Variants in SP140 observed in about 807,000 individuals in gnomAD.
The protein encoded by SP140 is SP140 nuclear body protein, also known as nuclear body protein SP140.
SP140 carries 81 observed loss-of-function variants against 125.0 expected under a neutral mutation model. That is an observed-to-expected ratio of 0.65 (90% CI 0.54 to 0.78). The LOEUF (loss-of-function observed/expected upper bound fraction) is 0.78. Among genes scored for constraint, SP140 ranks in the 30% least tolerant of loss-of-function variants. The probability of loss-of-function intolerance (pLI) is 0.00; values close to 1 mark genes in which losing one functional copy is unlikely to be tolerated. For missense variants in SP140, 858 were observed against 1,037.0 expected, an observed-to-expected ratio of 0.83 and a Z score of 2.37; for synonymous variants, 312 against 354.0, an observed-to-expected ratio of 0.88 and a Z score of 1.33.
At chr2:230,267,156 A>T (rs1401716654) in intron 12 of SP140, among the ~76,000 whole-genome samples, 1 of 152,224 alleles carries the variant, frequency 6.6e-6, no homozygotes, top group Non-Finnish European at 1.5e-5. Context: ...ACATAAATAT[A>T]TTAAAAATTT....
chr2:230,217,119 G>A (rs1173176529), intron 3 of SP140, among the ~76,000 whole-genome samples: 6 of 151,926 alleles, frequency 3.9e-5, no homozygotes, highest in South Asian at 2.1e-4. Flanking sequence ...GGTGGCGCAC[G>A]CCTGTAGTCC....
intron 15 of SP140, among the ~76,000 whole-genome samples, chr2:230,272,736 A>G (rs1014346711): frequency 2.6e-5 from 4 of 152,308 alleles, no homozygotes; most frequent in African/African-American, 9.6e-5. Flanking sequence ...GTACTGGTAC[A>G]AGAACAGACA....
intron 1 of SP140, among the ~76,000 whole-genome samples, chr2:230,226,493 T>C (rs778678155): frequency 6.6e-6 from 1 of 152,168 alleles, no homozygotes; most frequent in Non-Finnish European, 1.5e-5. Context: ...TTTATTCTTC[T>C]GTTCTGGTAT....
intron 15 of SP140, 113 bp downstream of exon 15, chr2:230,270,752 G>A: frequency 9.5e-7 from 1 of 1,051,774 alleles, no homozygotes. Context: ...TACTGTGGTA[G>A]ACAGAAGGAT....
intron 10 of SP140, 61 bp from the exon 11 acceptor site, chr2:230,253,255 C>A: frequency 8.1e-7 from 1 of 1,227,424 alleles, no homozygotes; most frequent in Non-Finnish European, 1.2e-6. Flanking sequence ...AGCATTTTCC[C>A]ATCTTGGATG....
chr2:230,296,738 A>G (rs1048600474), intron 21 of SP140, among the ~76,000 whole-genome samples: 6 of 152,082 alleles, frequency 3.9e-5, no homozygotes, highest in Admixed American at 1.3e-4. Context: ...CAGCCTGATT[A>G]TTATTGAGGC....
chr2:230,285,056 A>G (rs2056177833), intron 16 of SP140, among the ~76,000 whole-genome samples: 1 of 152,188 alleles, frequency 6.6e-6, no homozygotes, highest in African/African-American at 2.4e-5. Context: ...AACATATGCA[A>G]AAAGAAAAGA....
intron 15 of SP140, among the ~76,000 whole-genome samples, chr2:230,273,174 A>C (rs1049617416): frequency 5.3e-5 from 8 of 152,242 alleles, no homozygotes; most frequent in Admixed American, 2.0e-4. Flanking sequence ...AGAATGGGAG[A>C]AAATTTTTGC....
the SP140 span, among the ~76,000 whole-genome samples, chr2:230,194,157 C>T: frequency 6.6e-6 from 1 of 152,046 alleles, no homozygotes; most frequent in Non-Finnish European, 1.5e-5. Context: ...AGAGGGCTTT[C>T]CAAAGCAGTG....
chr2:230,208,268 G>T (rs1173643558), intron 1 of SP140, among the ~76,000 whole-genome samples: 1 of 152,216 alleles, frequency 6.6e-6, no homozygotes, highest in Non-Finnish European at 1.5e-5. Context: ...GAGACAGGGA[G>T]TTTAGGTAGC....
downstream of SP140, among the ~76,000 whole-genome samples, chr2:230,314,314 AAG>A (rs2059466477): frequency 1.3e-5 from 2 of 152,168 alleles, no homozygotes; most frequent in Admixed American, 1.3e-4. Flanking sequence ...AGGACAATGC[AAG>A]TGAACAGTCA....
intron 3 of SP140, among the ~76,000 whole-genome samples, chr2:230,215,706 G>C (rs558930721): frequency 1.3e-5 from 2 of 152,326 alleles, no homozygotes; most frequent in South Asian, 4.1e-4. Context: ...CTCGGTCAGC[G>C]AGTCTTTGGG....
At chr2:230,231,156 C>T (rs182876604) in intron 1 of SP140, among the ~76,000 whole-genome samples, 4 of 152,110 alleles carry the variant, frequency 2.6e-5, no homozygotes, top group African/African-American at 7.2e-5. Context: ...TCTGTTCATG[C>T]GTATTGTGTG....
intron 22 of SP140, among the ~76,000 whole-genome samples, chr2:230,302,065 G>A (rs966152641): frequency 1.3e-5 from 2 of 152,168 alleles, no homozygotes; most frequent in African/African-American, 4.8e-5. Context: ...AAAAGGACTA[G>A]TCCAACAGGA....
At chr2:230,309,840 A>G (rs2059164533) in intron 22 of SP140, 84 bp from the exon 23 acceptor site, 3 of 1,383,512 alleles carry the variant, frequency 2.2e-6, no homozygotes, top group Admixed American at 1.7e-5. Context: ...GTTCACACAA[A>G]GGCAGTGTGT....
At position 230,247,919 on chromosome 2, in the gene SP140, T is replaced by C. The variant is rs1340516070; in HGVS notation, c.746T>C (p.Leu249Pro). The change falls in exon 8 of 27, where the codon CTA becomes CCA. Residue 249 changes from leucine (L) to proline (P), a missense_variant. By Grantham distance (98) the Leu-to-Pro change is moderately conservative. Transcript: ENST00000392045. ...AGATGCCTTTTTTGATCCCTAGTTC[T>C]AGAAAGCAACGGGATGATAGATGCG... ...PKLLPYDTEV[L>P]ESNGMIDAAR... 19 of 1,612,994 alleles carry C rather than the reference T, an allele frequency of 1.2e-5. No individual in the cohort carries two copies. The highest frequency in any genetic ancestry group is 1.6e-5 in the Non-Finnish European group (19 of 1,179,534).
intron 4 of SP140, among the ~76,000 whole-genome samples, chr2:230,242,685 T>C (rs1348873307): frequency 2.0e-5 from 3 of 152,176 alleles, no homozygotes; most frequent in Admixed American, 2.0e-4. Flanking sequence ...GGATCACTAT[T>C]ATCCCATGGT....
intron 3 of SP140, among the ~76,000 whole-genome samples, chr2:230,216,243 G>A (rs2045162053): frequency 1.3e-5 from 2 of 152,212 alleles, no homozygotes; most frequent in East Asian, 1.9e-4. Flanking sequence ...TGGAAAAAGT[G>A]TCTTTGCAGT....
the SP140 span, among the ~76,000 whole-genome samples, chr2:230,194,106 A>G: frequency 3.9e-5 from 6 of 152,128 alleles, no homozygotes; most frequent in East Asian, 1.9e-4. Context: ...TTCTAGGCCA[A>G]ACCCCAAGAT....
Sources: allele counts gnomAD v4.1 joint callset (sites outside exome capture counted in the v4.1 genomes callset), GRCh38; gene constraint gnomAD v4.1.1; transcripts MANE v1.5; gene names NCBI Gene and HGNC (gene_info 2026-07-23, HGNC 2026-07-21).